The following ZFPM2 variants were observed in gnomAD, a reference collection of about 807,000 sequenced individuals.
The protein encoded by ZFPM2 is zinc finger protein ZFPM2.
ZFPM2 carries 20 observed loss-of-function variants against 98.6 expected under a neutral mutation model. The ratio of observed to expected loss-of-function variants is 0.20; its 90% CI spans 0.14 to 0.29. ZFPM2 has a LOEUF of 0.29. ZFPM2 is among the 10% of genes least tolerant of loss of function. ZFPM2 has a pLI of 1.00. For missense variants in ZFPM2, 1,310 were observed against 1,388.6 expected (o/e 0.94, Z 0.90); for synonymous variants, 518 against 502.7 (o/e 1.03, Z -0.41).
intron 5 of ZFPM2, among the ~76,000 whole-genome samples, chr8:105,746,158 A>G (rs1349069193): frequency 6.6e-6 from 1 of 151,874 alleles, no homozygotes; most frequent in Non-Finnish European, 1.5e-5. Context: ...TGTCTGGGTA[A>G]ATAGGTGGTC....
At chr8:105,325,341 G>T (rs772747485) in intron 1 of ZFPM2, among the ~76,000 whole-genome samples, 21 of 151,844 alleles carry the variant, frequency 1.4e-4, no homozygotes, top group Non-Finnish European at 2.8e-4. Flanking sequence ...AAAGGTATTA[G>T]CATAAAGATA....
chr8:105,738,132 G>A (rs1161054017), intron 5 of ZFPM2, among the ~76,000 whole-genome samples: 4 of 151,874 alleles, frequency 2.6e-5, no homozygotes, highest in South Asian at 4.2e-4. Context: ...TATTAGCCTC[G>A]TATTCATTAG....
intron 4 of ZFPM2, among the ~76,000 whole-genome samples, chr8:105,571,032 G>C (rs559390745): frequency 1.5e-4 from 23 of 152,304 alleles, no homozygotes; most frequent in African/African-American, 5.1e-4. Flanking sequence ...AGGAGGAATT[G>C]TTTATGTCAT....
intron 1 of ZFPM2, among the ~76,000 whole-genome samples, chr8:105,337,752 G>GGTCATAGTTCATGT (rs1812355335): frequency 2.0e-5 from 3 of 148,926 alleles, no homozygotes; most frequent in African/African-American, 7.4e-5. Context: ...CATAGTTCAT[G>GGTCATAGTTCATGT]TTTTTTTTTT....
intron 4 of ZFPM2, among the ~76,000 whole-genome samples, chr8:105,595,352 A>C (rs578219807): frequency 1.3e-5 from 2 of 152,210 alleles, no homozygotes; most frequent in South Asian, 2.1e-4. Flanking sequence ...AATTACACCC[A>C]AAAAAACATA....
chr8:105,554,537 A>G (rs1450570229), intron 3 of ZFPM2, among the ~76,000 whole-genome samples: 2 of 152,168 alleles, frequency 1.3e-5, no homozygotes, highest in Non-Finnish European at 2.9e-5. Flanking sequence ...GAAAATATAA[A>G]TATGGGTTCT....
intron 2 of ZFPM2, among the ~76,000 whole-genome samples, chr8:105,443,857 A>G (rs1812315277): frequency 6.6e-6 from 1 of 152,162 alleles, no homozygotes; most frequent in Admixed American, 6.5e-5. Context: ...TCTAAATTCA[A>G]CCAAAACCAT....
intron 5 of ZFPM2, among the ~76,000 whole-genome samples, chr8:105,730,950 C>T (rs1412213111): frequency 7.3e-5 from 11 of 151,540 alleles, no homozygotes; most frequent in African/African-American, 2.7e-4. Context: ...GTTAAGGACT[C>T]ACAGTCAAAG....
intron 2 of ZFPM2, among the ~76,000 whole-genome samples, chr8:105,442,877 T>C (rs1812282094): frequency 6.7e-6 from 1 of 149,974 alleles, no homozygotes; most frequent in Non-Finnish European, 1.5e-5. Context: ...TAAGTAACTT[T>C]GGAAGTTCTT....
chr8:105,660,288 A>C (rs16873456), intron 5 of ZFPM2, among the ~76,000 whole-genome samples: 1 of 152,062 alleles, frequency 6.6e-6, no homozygotes, highest in Non-Finnish European at 1.5e-5. Context: ...CCAGAGGGGA[A>C]AACCTTCCTG....
chr8:105,794,218 G>A (rs1205204155), intron 6 of ZFPM2, among the ~76,000 whole-genome samples: 3 of 151,880 alleles, frequency 2.0e-5, no homozygotes, highest in Non-Finnish European at 2.9e-5. Context: ...TCTACTTTTG[G>A]TCTTTGATGA....
intron 1 of ZFPM2, among the ~76,000 whole-genome samples, chr8:105,357,341 A>G (rs1384406718): frequency 6.6e-6 from 1 of 152,120 alleles, no homozygotes; most frequent in Non-Finnish European, 1.5e-5. Flanking sequence ...TATTTTTTCT[A>G]CATATATATT....
At chr8:105,715,094 G>C (rs1456664290) in intron 5 of ZFPM2, among the ~76,000 whole-genome samples, 1 of 151,906 alleles carries the variant, frequency 6.6e-6, no homozygotes, top group Non-Finnish European at 1.5e-5. Context: ...CCGTAGATTG[G>C]CTATGGAATC....
At chr8:105,371,032 C>G (rs1246152866) in intron 1 of ZFPM2, among the ~76,000 whole-genome samples, 1 of 152,176 alleles carries the variant, frequency 6.6e-6, no homozygotes, top group Non-Finnish European at 1.5e-5. Flanking sequence ...CTAATTAGGC[C>G]TGGCACCTCT....
chr8:105,764,117 C>T (rs775816267), intron 5 of ZFPM2, among the ~76,000 whole-genome samples: 2 of 151,686 alleles, frequency 1.3e-5, no homozygotes, highest in African/African-American at 4.8e-5. Flanking sequence ...TGGTAAGTAT[C>T]CAGGACTCTC....
intron 1 of ZFPM2, among the ~76,000 whole-genome samples, chr8:105,341,286 A>G (rs1812425217): frequency 6.6e-6 from 1 of 151,930 alleles, no homozygotes; most frequent in Non-Finnish European, 1.5e-5. Flanking sequence ...ATTTATTTAT[A>G]TGATATTTGC....
In ZFPM2 at chr8:105,802,340, C is replaced by A; in HGVS notation, c.2258C>A (p.Pro753His). 1 of 1,613,808 alleles carries A rather than the reference C, an allele frequency of 6.2e-7. No homozygotes were observed. The change falls in exon 8 of 8, where the codon CCT (proline) becomes CAT (histidine). Residue 753 changes from proline (P) to histidine (H), a missense_variant. Coordinates refer to ENST00000407775, the MANE Select transcript of ZFPM2 (RefSeq NM_012082.4). ...TGCCTACCTGAGCAGGAACAAAGGC[C>A]TCCACTGGTTCAGCAGAGATTTCTT... ...EMCLPEQEQR[P>H]PLVQQRFLDV... is the part of the protein sequence containing the mutation.
At chr8:105,449,472 A>G (rs1812443276) in intron 3 of ZFPM2, among the ~76,000 whole-genome samples, 2 of 152,068 alleles carry the variant, frequency 1.3e-5, no homozygotes, top group Admixed American at 1.3e-4. Flanking sequence ...AATAAAAATG[A>G]AGTAGAAAAT....
intron 1 of ZFPM2, among the ~76,000 whole-genome samples, chr8:105,386,314 A>G (rs1306159452): frequency 6.6e-6 from 1 of 152,094 alleles, no homozygotes; most frequent in African/African-American, 2.4e-5. Context: ...ATTTTTTTAC[A>G]TATTCTTTTA....
Sources: gnomAD v4.1 joint callset for allele counts (sites outside exome capture counted in the v4.1 genomes callset) on GRCh38, gnomAD v4.1.1 for gene constraint, MANE v1.5 for transcripts, NCBI Gene and HGNC (gene_info 2026-07-23, HGNC 2026-07-21) for gene names.